Variants in C3 observed in about 807,000 individuals in gnomAD.
The protein encoded by C3 is complement C3.
C3 carries 97 observed loss-of-function variants against 207.9 expected under a neutral mutation model. The observed-to-expected ratio is 0.47, with a 90% confidence interval of 0.40 to 0.55. The LOEUF (loss-of-function observed/expected upper bound fraction) is 0.55. Ranked by LOEUF, C3 falls within the 20% of genes least tolerant of loss-of-function variation. The pLI is 0.00. For missense variants in C3, 1,684 were observed against 2,171.7 expected, an observed-to-expected ratio of 0.78 and a Z score of 4.46; for synonymous variants, 848 against 857.6, an observed-to-expected ratio of 0.99 and a Z score of 0.20.
Position 6,713,223 on chromosome 19 carries a change from A to G in C3, c.969T>C (p.Ser323=). Residue 323 remains serine, a synonymous_variant, in exon 9 of 41, where the codon TCT becomes TCC. Transcript: ENST00000245907. The stretch of plus-strand genomic sequence containing the variant: ...AGATGACGGTGGCAGACACGTACAA[A>G]GACTTCCCCACCAGGTCTTCTGCTC... ...NPRAEDLVGK[S]LYVSATVILH... is the part of the protein sequence containing the mutation. The G allele has an allele frequency of 6.2e-7, 1 of 1,613,740 alleles. No homozygotes were observed. The highest frequency in any genetic ancestry group is 1.3e-5 in the African/African-American group (1 of 75,040).
chr19:6,702,907 G>A (rs1967704704), intron 17 of C3: 2 of 346,614 alleles, frequency 5.8e-6, no homozygotes, highest in Admixed American at 3.9e-5. Flanking sequence ...GGTGGCGCGT[G>A]CCTGTGATCC....
In C3 at chr19:6,694,517, A is replaced by G. The variant is rs1217253146; in HGVS notation, c.3068T>C (p.Ile1023Thr). ...QNMIGMTPTV[I>T]AVHYLDETEQ... ...CGTTTCATCCAGGTAATGCACAGCGATGACCGTGGGCGTCATGCCGATCAT... is the reference window on the plus strand; with the variant it reads ...CGTTTCATCCAGGTAATGCACAGCGGTGACCGTGGGCGTCATGCCGATCAT... The change falls in exon 24 of 41, where the codon ATC becomes ACC. Residue 1023 changes from isoleucine to threonine, a missense_variant. Ile to Thr is a moderately conservative substitution (Grantham distance 89, BLOSUM62 -1). Transcript: ENST00000245907. 1.9e-6 allele frequency: 3 copies of G among 1,614,014 alleles called. No homozygotes were observed. The highest frequency in any genetic ancestry group is 1.7e-6 in the Non-Finnish European group (2 of 1,180,004).
At chr19:6,684,915 T>C (rs889876049) in intron 30 of C3, 73 bp downstream of exon 30, 4 of 1,609,688 alleles carry the variant, frequency 2.5e-6, no homozygotes, top group Non-Finnish European at 3.4e-6. Flanking sequence ...CCCTCCCTCT[T>C]GCTTCCCAGT....
chr19:6,714,133 G>A, intron 6 of C3, 33 bp downstream of exon 6: 1 of 1,607,640 alleles, frequency 6.2e-7, no homozygotes, highest in Non-Finnish European at 8.5e-7. Context: ...GGCGTTCTGG[G>A]CACTGACTCC....
At chr19:6,692,585 G>T (rs1395164716) in intron 26 of C3, among the ~76,000 whole-genome samples, 1 of 152,086 alleles carries the variant, frequency 6.6e-6, no homozygotes, top group Non-Finnish European at 1.5e-5. Flanking sequence ...AGAAGGAGGT[G>T]ATTCTTATAA....
chr19:6,678,834 T>C (rs1568209050), intron 38 of C3, among the ~76,000 whole-genome samples: 1 of 152,110 alleles, frequency 6.6e-6, no homozygotes, highest in Non-Finnish European at 1.5e-5. Flanking sequence ...CACTGCCATC[T>C]ACAACCACAC....
intron 27 of C3, among the ~76,000 whole-genome samples, chr19:6,688,708 T>G (rs1302673019): frequency 6.6e-6 from 1 of 152,212 alleles, no homozygotes; most frequent in Non-Finnish European, 1.5e-5. Flanking sequence ...TGTGCTATAC[T>G]CTGCTACAAT....
In C3 at chr19:6,719,061, C is replaced by T; in HGVS notation, c.267+150G>A. The T allele has an allele frequency of 1.4e-6, 1 of 711,880 alleles. No homozygotes were observed. The allele number at this position is 711,880 out of a possible 1,614,324, so 44.1% of individuals were successfully genotyped here. On this transcript the variant is annotated intron_variant, in intron 2 of 40. Transcript: ENST00000245907. This position sits in a 1 kb window ranked among gnomAD's most constrained non-coding sequence, Gnocchi z 5.4. ...GGTGGAGTCTCAGAGAAGGGAGGGG[C>T]TTAGAAGGAGAGGCGACTCCGAAGG...
Position 6,710,981 on chromosome 19 carries a change from A to C in C3, c.1479+6T>G. 6.2e-7 allele frequency: 1 copy of C among 1,613,996 alleles called. No individual in the cohort carries two copies. Among genetic ancestry groups the C allele is most frequent in the South Asian group, 1.1e-5 (1 of 91,082 alleles). On this transcript the variant is annotated splice_donor_region_variant and intron_variant, in intron 12 of 40. Transcript: ENST00000245907. ...CGGGGGCTGAGGTTTCCAGGTGGCC[A>C]CGGACCAGGTAGGTGTAGTAGCGGA...
In C3 at chr19:6,713,414, C is replaced by T. The variant is rs1967962976; in HGVS notation, c.869G>A (p.Arg290His). Residue 290 changes from arginine to histidine, a missense_variant, in exon 8 of 41, where the codon CGC becomes CAC. Physicochemically the swap from Arg to His is conservative, Grantham distance 29. Coordinates refer to ENST00000245907, the MANE Select transcript of C3 (RefSeq NM_000064.4). ...GGCCTCCGTCTATGGTACCGGAATG[C>T]GCTTGAGGGATTCAGGCAGGGAAAT... ...QRISLPESLK[R>H]IPIEDGSGEV... 3 of 1,613,792 alleles carry T rather than the reference C, an allele frequency of 1.9e-6. No homozygotes were observed. Among genetic ancestry groups the T allele is most frequent in the Non-Finnish European group, 2.5e-6 (3 of 1,179,802 alleles).
chr19:6,709,601 C>T (rs1360677967), intron 14 of C3, 83 bp downstream of exon 14: 8 of 1,409,592 alleles, frequency 5.7e-6, no homozygotes, highest in Non-Finnish European at 7.0e-6. Flanking sequence ...CACTGCACTG[C>T]CCTCTCCAGT....
intron 27 of C3, among the ~76,000 whole-genome samples, chr19:6,689,336 C>CTACCT (rs1568213464): frequency 2.1e-5 from 1 of 46,756 alleles, no homozygotes; most frequent in African/African-American, 1.2e-4. Flanking sequence ...TACCTCCCTC[C>CTACCT]CTCCCTCCCT....
In C3 at chr19:6,694,444, C is replaced by T. The variant is rs775664074; in HGVS notation, c.3141G>A (p.Glu1047=). Residue 1047 remains glutamate (E), a synonymous_variant, in exon 24 of 41, where the codon GAG becomes GAA. Coordinates refer to ENST00000245907, the MANE Select transcript of C3 (RefSeq NM_000064.4). ...CAGGGAGCCCACCCTTCTTGATGAG[C>T]TCCAAGGCCCCCTGCCGCTTCTCTA... ...FGLEKRQGAL[E]LIKKGYTQQL... is the part of the protein sequence containing the mutation. 1.9e-5 allele frequency: 31 copies of T among 1,613,948 alleles called. No homozygotes were observed. The East Asian group carries it at 6.9e-4, about 36-fold the overall frequency.
intron 35 of C3, among the ~76,000 whole-genome samples, chr19:6,680,983 G>A (rs1355435760): frequency 1.3e-5 from 2 of 152,114 alleles, no homozygotes; most frequent in Admixed American, 1.3e-4. Flanking sequence ...AAGATCGCTT[G>A]AGGCCAGTAG....
intron 14 of C3, 136 bp from the exon 15 acceptor site, chr19:6,708,065 C>T (rs537123494): frequency 9.5e-6 from 9 of 950,364 alleles, no homozygotes; most frequent in African/African-American, 8.0e-5. Flanking sequence ...CTGCTTCTGC[C>T]CTTCCTTTCT....
intron 21 of C3, among the ~76,000 whole-genome samples, chr19:6,697,057 C>CAAAAAA (rs1301688661): frequency 6.9e-5 from 8 of 116,338 alleles, no homozygotes; most frequent in African/African-American, 2.0e-4. Context: ...AATAAACAAA[C>CAAAAAA]AAATAAATAA....
intron 25 of C3, 121 bp downstream of exon 25, chr19:6,693,291 T>C: frequency 8.7e-7 from 1 of 1,147,368 alleles, no homozygotes. Context: ...GCCTGGACTC[T>C]GCAGGTCCAG....
intron 31 of C3, 60 bp downstream of exon 31, chr19:6,684,715 A>G: frequency 6.3e-7 from 1 of 1,597,110 alleles, no homozygotes; most frequent in Non-Finnish European, 8.6e-7. Flanking sequence ...GGACAAGAGG[A>G]GATGGTCCCT....
chr19:6,678,296 G>T lies in C3; in HGVS notation c.4715-9C>A, dbSNP rs761082593. The T allele has an allele frequency of 6.2e-7, 1 of 1,614,218 alleles. No individual in the cohort carries two copies. Among genetic ancestry groups the T allele is most frequent in the Admixed American group, 1.7e-5 (1 of 60,032 alleles). On this transcript the variant is annotated splice_polypyrimidine_tract_variant and intron_variant, in intron 39 of 40. Transcript: ENST00000245907. ...CTGCACCTCATCCGAGCCTGGAGTG[G>T]AGGGGAGAGGGAAGAAGCTGAGTCG...
Sources: allele counts gnomAD v4.1 joint callset (sites outside exome capture counted in the v4.1 genomes callset), GRCh38; gene constraint gnomAD v4.1.1; non-coding constraint Gnocchi (gnomAD v3.1); transcripts MANE v1.5; gene names NCBI Gene and HGNC (gene_info 2026-07-23, HGNC 2026-07-21).